PLEKHH2: variants seen among roughly 807,000 people sequenced by gnomAD.
The protein encoded by PLEKHH2 is pleckstrin homology domain-containing family H member 2.
Under a neutral mutation model 187.9 loss-of-function variants are expected in PLEKHH2, and 129 were observed. The observed-to-expected ratio is 0.69, with a 90% CI of 0.59 to 0.79. PLEKHH2 has a LOEUF of 0.79. PLEKHH2 is among the 30% of genes least tolerant of loss of function. The probability of loss-of-function intolerance (pLI) is 0.00; values close to 1 mark genes in which losing one functional copy is unlikely to be tolerated. For missense variants in PLEKHH2, 2,076 were observed against 1,751.2 expected (o/e 1.19, Z -3.31); for synonymous variants, 686 against 605.6 (o/e 1.13, Z -1.95).
intron 3 of PLEKHH2, chr2:43,681,473 A>G (rs891240692): frequency 2.6e-6 from 4 of 1,545,240 alleles, no homozygotes; most frequent in African/African-American, 2.7e-5. Flanking sequence ...CTCCTTTTCC[A>G]TCATCTTCTC....
intron 3 of PLEKHH2, among the ~76,000 whole-genome samples, chr2:43,690,195 A>T (rs1470396588): frequency 6.6e-6 from 1 of 152,216 alleles, no homozygotes; most frequent in Non-Finnish European, 1.5e-5. Flanking sequence ...CTGCTTGGGC[A>T]GTTTTGCATG....
intron 2 of PLEKHH2, among the ~76,000 whole-genome samples, chr2:43,678,552 A>G (rs1572538085): frequency 6.6e-6 from 1 of 152,318 alleles, no homozygotes; most frequent in East Asian, 1.9e-4. Context: ...CACCAAAAAA[A>G]TACGAAAACC....
Position 43,766,191 on chromosome 2 carries a change from G to A in PLEKHH2, c.*593G>A, listed in dbSNP as rs902168961. 3 of 152,760 alleles carry A rather than the reference G, an allele frequency of 2.0e-5. No individual in the cohort carries two copies. The highest frequency in any genetic ancestry group is 7.2e-5 in the African/African-American group (3 of 41,418). 9.5% of individuals were successfully genotyped at this position (152,760 alleles called of 1,614,324 possible). On this transcript the variant is annotated 3_prime_UTR_variant, in exon 30 of 30. Coordinates refer to ENST00000282406, the MANE Select transcript of PLEKHH2 (RefSeq NM_172069.4). Reference sequence around the variant, plus strand: ...AAAGCAGGATAACATTAGGTAACCTGAGCCTCCTGTGTGGTATTAGAAAGT... The same window carrying A: ...AAAGCAGGATAACATTAGGTAACCTAAGCCTCCTGTGTGGTATTAGAAAGT...
chr2:43,764,957 C>T (rs564711968), intron 29 of PLEKHH2, among the ~76,000 whole-genome samples: 2 of 152,200 alleles, frequency 1.3e-5, no homozygotes, highest in African/African-American at 2.4e-5. Context: ...ATTACTTCTT[C>T]GGAATCTGAA....
intron 29 of PLEKHH2, 60 bp downstream of exon 29, chr2:43,764,425 A>G (rs1418426282): frequency 7.3e-6 from 11 of 1,516,130 alleles, no homozygotes; most frequent in Non-Finnish European, 9.0e-6. Context: ...AGTCTTAGCC[A>G]GAAGGCCAAA....
chr2:43,670,419 A>T (rs1338882380), intron 2 of PLEKHH2, among the ~76,000 whole-genome samples: 1 of 152,208 alleles, frequency 6.6e-6, no homozygotes, highest in East Asian at 1.9e-4. Flanking sequence ...GGGAGATTGT[A>T]GTATGTGATG....
At chr2:43,764,403 T>G in intron 29 of PLEKHH2, 38 bp downstream of exon 29, 1 of 1,595,872 alleles carries the variant, frequency 6.3e-7, no homozygotes, top group African/African-American at 1.3e-5. Flanking sequence ...TTTGTCCTAG[T>G]TGTTTTCACT....
intron 3 of PLEKHH2, chr2:43,681,374 G>A: frequency 1.4e-6 from 2 of 1,452,452 alleles, no homozygotes; most frequent in Admixed American, 1.9e-5. Flanking sequence ...CTTCTTGGCT[G>A]CTACTGGAAG....
At chr2:43,754,203 C>G (rs541586184) in intron 25 of PLEKHH2, among the ~76,000 whole-genome samples, 1 of 142,648 alleles carries the variant, frequency 7.0e-6, no homozygotes, top group East Asian at 2.1e-4. Flanking sequence ...CACACACACA[C>G]ACAAAATTAA....
intron 3 of PLEKHH2, chr2:43,680,863 T>C: frequency 1.9e-6 from 1 of 540,048 alleles, no homozygotes; most frequent in South Asian, 2.1e-5. Flanking sequence ...TTCCATAGCA[T>C]AGTCACATCT....
chr2:43,646,396 T>C (rs938328543), intron 2 of PLEKHH2, among the ~76,000 whole-genome samples: 3 of 152,204 alleles, frequency 2.0e-5, no homozygotes, highest in Non-Finnish European at 4.4e-5. Flanking sequence ...CTAAACCTCA[T>C]GGACACTTCC....
At chr2:43,719,828 T>C (rs1191657003) in intron 15 of PLEKHH2, among the ~76,000 whole-genome samples, 2 of 152,254 alleles carry the variant, frequency 1.3e-5, no homozygotes, top group African/African-American at 4.8e-5. Flanking sequence ...TGAAATATAC[T>C]GGTGAAATTG....
At chr2:43,746,935 A>G (rs936244394) in intron 24 of PLEKHH2, among the ~76,000 whole-genome samples, 34 of 151,594 alleles carry the variant, frequency 2.2e-4, no homozygotes, top group African/African-American at 8.2e-4. Flanking sequence ...GCACCACTGC[A>G]CTCCAGCCTG....
At chr2:43,762,158 T>A in intron 27 of PLEKHH2, 146 bp from the exon 28 acceptor site, 1 of 613,650 alleles carries the variant, frequency 1.6e-6, no homozygotes, top group Non-Finnish European at 2.8e-6. Flanking sequence ...TATACCACCC[T>A]GCCTCTTTCC....
At chr2:43,750,245 G>A (rs1204232275) in intron 24 of PLEKHH2, among the ~76,000 whole-genome samples, 1 of 152,222 alleles carries the variant, frequency 6.6e-6, no homozygotes, top group African/African-American at 2.4e-5. Context: ...TCCTAGGCAG[G>A]CGGATCACCT....
chr2:43,753,784 A>T (rs758837348), intron 25 of PLEKHH2, 24 bp downstream of exon 25: 2 of 1,458,714 alleles, frequency 1.4e-6, no homozygotes, highest in Admixed American at 2.4e-5. Flanking sequence ...TATATGGAGT[A>T]ATATATTGAA....
intron 18 of PLEKHH2, among the ~76,000 whole-genome samples, chr2:43,730,336 T>A (rs1283233702): frequency 1.3e-5 from 2 of 152,228 alleles, no homozygotes; most frequent in Admixed American, 6.5e-5. Context: ...AGACAATTCT[T>A]CTTCCAGTGT....
chr2:43,747,648 A>C (rs1671835846), intron 24 of PLEKHH2, among the ~76,000 whole-genome samples: 3 of 152,224 alleles, frequency 2.0e-5, no homozygotes, highest in Admixed American at 6.5e-5. Flanking sequence ...GTAGTACTTA[A>C]TAAACACTGT....
Position 43,679,494 on chromosome 2 carries a change from C to CTT in PLEKHH2, c.186+587_186+588dup, listed in dbSNP as rs70965314. On this transcript the variant is annotated intron_variant, in intron 3 of 29. Coordinates refer to ENST00000282406, the MANE Select transcript of PLEKHH2 (RefSeq NM_172069.4). ...TACGGAATCAGGAATGATTTTTTCC[C>CTT]TTTTTTTTTTTTTTTTTTTGAGACG... is the stretch of plus-strand genomic sequence containing the variant. 1,313 of 253,776 alleles carry CTT rather than the reference C, an allele frequency of 5.2e-3. 2 individuals carry two copies. Among genetic ancestry groups the CTT allele is most frequent in the South Asian group, 0.014 (451 of 32,312 alleles). 15.7% of individuals were successfully genotyped at this position (253,776 alleles called of 1,614,324 possible).
Sources: allele counts gnomAD v4.1 joint callset (sites outside exome capture counted in the v4.1 genomes callset), GRCh38; gene constraint gnomAD v4.1.1; transcripts MANE v1.5; gene names NCBI Gene and HGNC (gene_info 2026-07-23, HGNC 2026-07-21).